Variants in RIMS1 observed in about 807,000 individuals in gnomAD.
The protein encoded by RIMS1 is regulating synaptic membrane exocytosis 1, also known as regulating synaptic membrane exocytosis protein 1.
A neutral mutation model predicts 214.1 loss-of-function variants in RIMS1; 83 were observed. The observed-to-expected ratio is 0.39, with a 90% CI of 0.32 to 0.47. The LOEUF (loss-of-function observed/expected upper bound fraction) is 0.47, where lower values mean the gene tolerates loss of function less well. Ranked by LOEUF, RIMS1 falls within the 20% of genes least tolerant of loss-of-function variation. The pLI is 0.99. For synonymous variants in RIMS1, 793 were observed against 786.8 expected (o/e 1.01, Z -0.13); for missense variants, 2,050 against 2,161.8 (o/e 0.95, Z 1.03).
At chr6:72,350,274 T>C (rs948317435) in intron 29 of RIMS1, among the ~76,000 whole-genome samples, 2 of 152,180 alleles carry the variant, frequency 1.3e-5, no homozygotes, top group African/African-American at 4.8e-5. Context: ...GCATATTTTT[T>C]CCAGAGCTGC....
chr6:72,248,098 G>A lies in RIMS1; in HGVS notation c.2212G>A (p.Ala738Thr). Reference protein sequence around the residue: ...SPTSPGALKDAPQVLPGQLSV... With the variant: ...SPTSPGALKDTPQVLPGQLSV... ...AACAAGTCCTGGAGCTCTAAAAGAT[G>A]CCCCACAAGTCTTACCAGGGCAACT... Residue 738 changes from alanine (A) to threonine (T), a missense_variant, in exon 12 of 34, where the codon GCC (alanine) becomes ACC (threonine). By Grantham distance (58) the Ala-to-Thr change is moderately conservative. This residue lies in a region of RIMS1 where 111 missense variants were observed against 166.2 expected (regional missense o/e 0.67). Coordinates refer to ENST00000521978, the MANE Select transcript of RIMS1 (RefSeq NM_014989.7). The A allele has an allele frequency of 6.2e-7, 1 of 1,612,566 alleles. No individual in the cohort carries two copies.
chr6:72,128,722 G>A (rs1218600168), intron 4 of RIMS1, among the ~76,000 whole-genome samples: 1 of 152,048 alleles, frequency 6.6e-6, no homozygotes, highest in Non-Finnish European at 1.5e-5. Context: ...TAAAAATCCA[G>A]GAACAACAAA....
At chr6:71,940,678 G>A (rs762475559) in intron 1 of RIMS1, among the ~76,000 whole-genome samples, 2 of 152,200 alleles carry the variant, frequency 1.3e-5, no homozygotes, top group Non-Finnish European at 2.9e-5. Context: ...GCTAGGGTGA[G>A]CTCATGGAAA....
At chr6:72,266,636 A>G (rs996324775) in intron 22 of RIMS1, among the ~76,000 whole-genome samples, 12 of 152,156 alleles carry the variant, frequency 7.9e-5, no homozygotes, top group African/African-American at 2.9e-4. Context: ...AAAGAAATAC[A>G]TATATATGTA....
intron 19 of RIMS1, chr6:72,262,679 A>T (rs1391078139): frequency 1.2e-6 from 1 of 846,804 alleles, no homozygotes; most frequent in African/African-American, 1.8e-5. Flanking sequence ...ATGAATGTCA[A>T]AATGTGTACA....
At chr6:72,078,559 T>C (rs549804047) in intron 2 of RIMS1, among the ~76,000 whole-genome samples, 4 of 152,180 alleles carry the variant, frequency 2.6e-5, no homozygotes, top group Admixed American at 2.0e-4. Flanking sequence ...ATGCAGAGAC[T>C]AGTGCCTATA....
At chr6:72,147,409 G>A (rs1341765524) in intron 4 of RIMS1, among the ~76,000 whole-genome samples, 1 of 152,144 alleles carries the variant, frequency 6.6e-6, no homozygotes, top group Non-Finnish European at 1.5e-5. Context: ...GAAAGCATGT[G>A]GTTTCTAGGG....
intron 29 of RIMS1, among the ~76,000 whole-genome samples, chr6:72,360,793 G>A (rs941027921): frequency 6.7e-6 from 1 of 149,858 alleles, no homozygotes; most frequent in Non-Finnish European, 1.5e-5. Context: ...TATTTTTTGT[G>A]CGTAGTTCTT....
At chr6:72,200,857 TTGTGTG>T (rs70994114) in intron 6 of RIMS1, among the ~76,000 whole-genome samples, 4,307 of 146,072 alleles carry the variant, frequency 0.029, 92 homozygotes, top group Admixed American at 0.06. Context: ...AAGGACACAA[TTGTGTG>T]TGTGTGTGTG....
intron 4 of RIMS1, among the ~76,000 whole-genome samples, chr6:72,142,810 A>G (rs571136579): frequency 6.6e-6 from 1 of 152,142 alleles, no homozygotes; most frequent in East Asian, 1.9e-4. Flanking sequence ...TTGAAGATAG[A>G]TGACATTTTT....
rs10652071 is a variant in RIMS1 at position 71,924,807 on chromosome 6, CAAAA to C, written c.164+37639_164+37642del. Among the ~76,000 whole-genome samples the C allele has an allele frequency of 1.2e-3, 72 of 62,076 alleles. 1 individual carries two copies. The South Asian group carries it at 0.03, about 26-fold the overall frequency. 40.7% of individuals were successfully genotyped at this position (62,076 alleles called of 152,430 possible). On this transcript the variant is annotated intron_variant, in intron 1 of 33. Coordinates refer to ENST00000521978, the MANE Select transcript of RIMS1 (RefSeq NM_014989.7). ...GAGCAACAGAGCAAGACCCTGTCTCCAAAAAAAAAAAAAAAAAAAAAAGATTTAA... is the reference window on the plus strand; with the variant it reads ...GAGCAACAGAGCAAGACCCTGTCTCCAAAAAAAAAAAAAAAAAAGATTTAA...
At chr6:72,130,748 G>C (rs1003883998) in intron 4 of RIMS1, among the ~76,000 whole-genome samples, 3 of 152,044 alleles carry the variant, frequency 2.0e-5, no homozygotes, top group African/African-American at 7.2e-5. Context: ...ACTATTTGGG[G>C]AGTTCATAAA....
chr6:72,039,426 C>T (rs1366546028), intron 2 of RIMS1, among the ~76,000 whole-genome samples: 1 of 151,940 alleles, frequency 6.6e-6, no homozygotes, highest in Non-Finnish European at 1.5e-5. Flanking sequence ...GTATGAAGAA[C>T]CTGTGAATGG....
intron 2 of RIMS1, among the ~76,000 whole-genome samples, chr6:71,988,211 T>C: frequency 6.6e-6 from 1 of 152,208 alleles, no homozygotes; most frequent in East Asian, 1.9e-4. Flanking sequence ...CATGCTAGCC[T>C]GCTTTCAGTA....
chr6:72,261,364 C>G (rs2077922870), intron 19 of RIMS1: 2 of 987,892 alleles, frequency 2.0e-6, no homozygotes, highest in Non-Finnish European at 2.4e-6. Flanking sequence ...ACAAACTTTC[C>G]CACAAAGGCA....
intron 2 of RIMS1, among the ~76,000 whole-genome samples, chr6:71,983,196 G>A (rs1798934927): frequency 9.9e-6 from 1 of 101,104 alleles, no homozygotes; most frequent in Non-Finnish European, 2.1e-5. Flanking sequence ...TGTTCTATTT[G>A]TGTGTTTCTT....
chr6:72,099,645 A>G (rs1285089239), intron 3 of RIMS1, among the ~76,000 whole-genome samples: 6 of 152,124 alleles, frequency 3.9e-5, no homozygotes, highest in Non-Finnish European at 7.4e-5. Flanking sequence ...TAGGTAGACT[A>G]CATGTGGTAG....
At chr6:72,281,761 G>T (rs1389399737) in intron 23 of RIMS1, among the ~76,000 whole-genome samples, 1 of 151,782 alleles carries the variant, frequency 6.6e-6, no homozygotes, top group African/African-American at 2.4e-5. Context: ...ATTTCAATAA[G>T]TCCTTTCCAA....
Position 72,161,170 on chromosome 6 carries a change from G to C in RIMS1, c.472-18405G>C, listed in dbSNP as rs546594079. 1.2e-3 allele frequency among the ~76,000 whole-genome samples: 171 copies of C among 140,876 alleles called. 7 individuals carry two copies. The highest frequency in any genetic ancestry group is 4.2e-3 in the African/African-American group (170 of 40,774). The allele number at this position is 140,876 out of a possible 152,430, so 92.4% of individuals were successfully genotyped here. On this transcript the variant is annotated intron_variant, in intron 4 of 33. Coordinates refer to ENST00000521978, the MANE Select transcript of RIMS1 (RefSeq NM_014989.7). ...TTCTTCTAGATTTTCTAGTTTATTT[G>C]CATAGAGGTGTGTATAGTATTCTCT...
Sources: allele counts gnomAD v4.1 joint callset (sites outside exome capture counted in the v4.1 genomes callset), GRCh38; gene constraint gnomAD v4.1.1; regional missense constraint gnomAD v4.1.1; transcripts MANE v1.5; gene names NCBI Gene and HGNC (gene_info 2026-07-23, HGNC 2026-07-21).